The following LEKR1 variants were observed in gnomAD, a reference collection of about 807,000 sequenced individuals.
LEKR1 encodes protein LEKR1.
In LEKR1, 59 loss-of-function variants were observed where a neutral mutation model predicts 72.4. That is an observed-to-expected ratio of 0.82 (90% CI 0.66 to 1.01). The LOEUF (loss-of-function observed/expected upper bound fraction) is 1.01, where lower values mean the gene tolerates loss of function less well. Among genes scored for constraint, LEKR1 ranks in the 50% least tolerant of loss-of-function variants. The probability of loss-of-function intolerance (pLI) is 0.00; values close to 1 mark genes in which losing one functional copy is unlikely to be tolerated. For synonymous variants in LEKR1, 257 were observed against 263.2 expected (o/e 0.98, Z 0.23); for missense variants, 728 against 759.2 (o/e 0.96, Z 0.48).
intron 6 of LEKR1, among the ~76,000 whole-genome samples, chr3:156,958,283 T>C (rs1576898457): frequency 2.6e-5 from 4 of 152,310 alleles, no homozygotes; most frequent in Admixed American, 1.3e-4. Flanking sequence ...TCCACAGATA[T>C]CTTTCTGGTG....
intron 3 of LEKR1, among the ~76,000 whole-genome samples, chr3:156,920,243 C>T (rs942446934): frequency 1.3e-5 from 2 of 151,982 alleles, no homozygotes; most frequent in Non-Finnish European, 2.9e-5. Context: ...ACATGTATTA[C>T]TTTAAATGAA....
At chr3:157,016,171 AGAAATAATGACG>A (rs1733314205) in intron 10 of LEKR1, among the ~76,000 whole-genome samples, 1 of 152,138 alleles carries the variant, frequency 6.6e-6, no homozygotes, top group Non-Finnish European at 1.5e-5. Context: ...AAAAAATTGA[AGAAATAATGACG>A]GAAAGTTTTA....
At chr3:156,957,442 T>G (rs1221082102) in intron 6 of LEKR1, among the ~76,000 whole-genome samples, 1 of 151,622 alleles carries the variant, frequency 6.6e-6, no homozygotes, top group Non-Finnish European at 1.5e-5. Context: ...TTTTTTCTGT[T>G]GGTGTTTTAG....
chr3:156,878,862 T>A (rs527858748), intron 3 of LEKR1, among the ~76,000 whole-genome samples: 2 of 152,354 alleles, frequency 1.3e-5, no homozygotes, highest in African/African-American at 4.8e-5. Flanking sequence ...TCACGAGATC[T>A]GATGGTTTTG....
chr3:156,965,416 T>C (rs1728481019), intron 6 of LEKR1, among the ~76,000 whole-genome samples: 1 of 152,148 alleles, frequency 6.6e-6, no homozygotes, highest in Non-Finnish European at 1.5e-5. Flanking sequence ...TGGTCCTTAA[T>C]ATTAGAATGT....
intron 12 of LEKR1, among the ~76,000 whole-genome samples, chr3:157,038,847 A>G (rs182987391): frequency 6.6e-6 from 1 of 152,338 alleles, no homozygotes; most frequent in African/African-American, 2.4e-5. Flanking sequence ...TCTGCAGTGA[A>G]ACATCTGAAT....
intron 9 of LEKR1, among the ~76,000 whole-genome samples, chr3:157,001,456 T>C (rs1732006571): frequency 6.6e-6 from 1 of 152,220 alleles, no homozygotes. Flanking sequence ...GGCATTATGG[T>C]TTGACATTTG....
intron 3 of LEKR1, among the ~76,000 whole-genome samples, chr3:156,911,759 G>C (rs1294217512): frequency 6.6e-6 from 1 of 151,820 alleles, no homozygotes; most frequent in Non-Finnish European, 1.5e-5. Context: ...TTAAGTAGGG[G>C]GTTCTTTCCC....
At chr3:156,934,207 G>C (rs1285456276) in intron 5 of LEKR1, among the ~76,000 whole-genome samples, 1 of 152,080 alleles carries the variant, frequency 6.6e-6, no homozygotes, top group Non-Finnish European at 1.5e-5. Flanking sequence ...TCCTCCTACT[G>C]GTTGTAATCT....
At chr3:156,978,440 A>G (rs978700564) in intron 6 of LEKR1, among the ~76,000 whole-genome samples, 9 of 152,162 alleles carry the variant, frequency 5.9e-5, no homozygotes, top group African/African-American at 2.2e-4. Context: ...TTCCATTATA[A>G]CTTATTCTCA....
chr3:156,994,899 TGAAGTCATTGA>T (rs1048982311), intron 9 of LEKR1, among the ~76,000 whole-genome samples: 15 of 152,244 alleles, frequency 9.9e-5, no homozygotes, highest in African/African-American at 3.6e-4. Flanking sequence ...TCTCCTTCAC[TGAAGTCATTGA>T]GAAGAACCTG....
At chr3:157,034,189 C>T (rs553690721) in intron 12 of LEKR1, among the ~76,000 whole-genome samples, 2 of 152,126 alleles carry the variant, frequency 1.3e-5, no homozygotes, top group South Asian at 4.1e-4. Flanking sequence ...GCGCATGAAT[C>T]AAGGAACAGT....
At chr3:157,039,024 G>A (rs1735165108) in intron 12 of LEKR1, among the ~76,000 whole-genome samples, 1 of 152,044 alleles carries the variant, frequency 6.6e-6, no homozygotes, top group African/African-American at 2.4e-5. Context: ...TAAAACAGCT[G>A]TTTTTATTGT....
At chr3:157,044,405 T>C (rs1478339776) in intron 12 of LEKR1, among the ~76,000 whole-genome samples, 3 of 152,240 alleles carry the variant, frequency 2.0e-5, no homozygotes, top group African/African-American at 7.2e-5. Flanking sequence ...ACACCTCAAC[T>C]AGAAATGCAG....
intron 2 of LEKR1, among the ~76,000 whole-genome samples, chr3:156,842,162 G>A (rs1216609483): frequency 6.6e-6 from 1 of 152,148 alleles, no homozygotes; most frequent in Non-Finnish European, 1.5e-5. Context: ...CAAAAAAATT[G>A]GGGACTGCTG....
chr3:157,020,665 A>C (rs1482054844), intron 10 of LEKR1, among the ~76,000 whole-genome samples: 1 of 151,314 alleles, frequency 6.6e-6, no homozygotes, highest in African/African-American at 2.4e-5. Context: ...CATTTTCTTA[A>C]TCCAGTCTAT....
intron 12 of LEKR1, among the ~76,000 whole-genome samples, chr3:157,041,767 TG>T: frequency 6.6e-6 from 1 of 152,084 alleles, no homozygotes; most frequent in Non-Finnish European, 1.5e-5. Context: ...ATATTGTGCA[TG>T]ATTTTCAGTC....
At chr3:156,899,613 C>CAT (rs1560064582) in intron 3 of LEKR1, among the ~76,000 whole-genome samples, 1 of 110,412 alleles carries the variant, frequency 9.1e-6, no homozygotes, top group South Asian at 2.9e-4. Flanking sequence ...TATATATACA[C>CAT]ACATATATAC....
chr3:156,970,795 C>T (rs1241636788), intron 6 of LEKR1, among the ~76,000 whole-genome samples: 1 of 152,000 alleles, frequency 6.6e-6, no homozygotes, highest in Non-Finnish European at 1.5e-5. Context: ...ATGTGAAGGA[C>T]CTCTTCAAGG....
Sources: allele counts gnomAD v4.1 joint callset (sites outside exome capture counted in the v4.1 genomes callset), GRCh38; gene constraint gnomAD v4.1.1; transcripts MANE v1.5; gene names NCBI Gene and HGNC (gene_info 2026-07-23, HGNC 2026-07-21).